The following MYH9 variants were observed in gnomAD, a reference collection of about 807,000 sequenced individuals.
The protein encoded by MYH9 is myosin-9.
Under a neutral mutation model 241.9 loss-of-function variants are expected in MYH9, and 29 were observed. That is an observed-to-expected ratio of 0.12 (90% CI 0.09 to 0.16). The LOEUF (loss-of-function observed/expected upper bound fraction) is 0.16, where lower values mean the gene tolerates loss of function less well. Ranked by LOEUF, MYH9 falls within the 10% of genes least tolerant of loss-of-function variation. The pLI, the probability that MYH9 is intolerant of heterozygous loss-of-function variation, is 1.00. For missense variants in MYH9, 1,803 were observed against 2,595.5 expected, an observed-to-expected ratio of 0.69 and a Z score of 6.63; for synonymous variants, 1,047 against 1,062.6, an observed-to-expected ratio of 0.99 and a Z score of 0.29.
At chr22:36,284,660 GCTT>G (rs1486118518) in intron 38 of MYH9, 149 bp from the exon 39 acceptor site, 4 of 762,708 alleles carry the variant, frequency 5.2e-6, no homozygotes, top group African/African-American at 1.7e-5. Context: ...TGTGTACCCG[GCTT>G]CTTACGACGG....
rs183105164 is a variant in MYH9, at chr22:36,285,327, G to A, written c.5277C>T (p.Ile1759=). 1.2e-4 allele frequency: 187 copies of A among 1,608,508 alleles called. No homozygotes were observed. In the Admixed American group the frequency reaches 3.0e-3, roughly 26 times the overall value. Residue 1759 remains isoleucine, a splice_region_variant and synonymous_variant, in exon 38 of 41, where the codon ATC becomes ATT. Coordinates refer to ENST00000216181, the MANE Select transcript of MYH9 (RefSeq NM_002473.6). The surrounding 1 kb of genome is among the most constrained non-coding windows in gnomAD (Gnocchi z 7.0). ...GGTTCAGGTCGGTGTTGATCTGGTCGATCTGCAGAAGAAGGGCCAGTGACC... is the reference window on the plus strand; with the variant it reads ...GGTTCAGGTCGGTGTTGATCTGGTCAATCTGCAGAAGAAGGGCCAGTGACC... ...NDRLKKANLQ[I]DQINTDLNLE...
At chr22:36,352,796 G>A (rs1292228863) in intron 1 of MYH9, among the ~76,000 whole-genome samples, 1 of 152,198 alleles carries the variant, frequency 6.6e-6, no homozygotes, top group Non-Finnish European at 1.5e-5. Context: ...GAAGGTCAGA[G>A]CCCCAGCTTG....
intron 3 of MYH9, among the ~76,000 whole-genome samples, chr22:36,335,199 C>A (rs530312305): frequency 6.6e-6 from 1 of 152,348 alleles, no homozygotes; most frequent in South Asian, 2.1e-4. Flanking sequence ...TCCAGGCAGG[C>A]CCCAGCCTGC....
chr22:36,312,179 C>A lies in MYH9; in HGVS notation c.1598G>T (p.Trp533Leu). 1.2e-6 allele frequency: 2 copies of A among 1,614,198 alleles called. No individual in the cohort carries two copies. The highest frequency in any genetic ancestry group is 1.1e-5 in the South Asian group (1 of 91,086). The part of the protein sequence containing the change: ...GILALLDEEC[W>L]FPKATDKSFV... ...GCTCTTGTCGGTGGCTTTGGGGAACCAGCACTCCTCGTCCAGCAGGGCCAG... is the reference window on the plus strand; with the variant it reads ...GCTCTTGTCGGTGGCTTTGGGGAACAAGCACTCCTCGTCCAGCAGGGCCAG... The change falls in exon 14 of 41, where the codon TGG (tryptophan) becomes TTG (leucine). Residue 533 changes from tryptophan to leucine, a missense_variant. Coordinates refer to ENST00000216181, the MANE Select transcript of MYH9 (RefSeq NM_002473.6).
At position 36,285,891 on chromosome 22, in the gene MYH9, G is replaced by A. The variant is rs369135992; in HGVS notation, c.5124C>T (p.Asp1708=). The A allele has an allele frequency of 6.8e-5, 110 of 1,613,092 alleles. 1 individual carries two copies. The highest frequency in any genetic ancestry group is 2.9e-4 in the East Asian group (13 of 44,880). The stretch of plus-strand genomic sequence containing the variant: ...CTTTGCCGCTGCTGTTGGCGATCTC[G>A]TCAGCCAGCTCATCCCGCTCCTGCT... ...QAQQERDELA[D]EIANSSGKGA... The change falls in exon 36 of 41, where the codon GAC becomes GAT. Residue 1708 remains aspartate (D), a synonymous_variant. Coordinates refer to ENST00000216181, the MANE Select transcript of MYH9 (RefSeq NM_002473.6). The surrounding 1 kb of genome is among the most constrained non-coding windows in gnomAD (Gnocchi z 7.0).
chr22:36,313,278 C>T (rs1208229560), intron 13 of MYH9, among the ~76,000 whole-genome samples: 2 of 151,270 alleles, frequency 1.3e-5, no homozygotes, highest in East Asian at 1.9e-4. Context: ...GGTGAAACTC[C>T]GCCTCCACTA....
chr22:36,288,668 G>A lies in MYH9; in HGVS notation c.4770+59C>T. ...ATCCAGGTGGAAGGAGAGAACAGAA[G>A]CCTGCGTGAAGCCAAGGCAGCCTTG... is the stretch of plus-strand genomic sequence containing the variant. On this transcript the variant is annotated intron_variant, in intron 33 of 40. Transcript: ENST00000216181. This position sits in a 1 kb window ranked among gnomAD's most constrained non-coding sequence, Gnocchi z 4.8. 1.9e-6 allele frequency: 3 copies of A among 1,579,992 alleles called. No homozygotes were observed. The highest frequency in any genetic ancestry group is 2.6e-6 in the Non-Finnish European group (3 of 1,162,836).
rs960333172 is a variant in MYH9 at position 36,313,995 on chromosome 22, T to A, written c.1554+150A>T. 4.7e-6 allele frequency: 5 copies of A among 1,057,176 alleles called. No individual in the cohort carries two copies. The African/African-American group carries it at 7.8e-5, about 17-fold the overall frequency. The allele number at this position is 1,057,176 out of a possible 1,614,324, so 65.5% of individuals were successfully genotyped here. On this transcript the variant is annotated intron_variant, in intron 13 of 40. Coordinates refer to ENST00000216181, the MANE Select transcript of MYH9 (RefSeq NM_002473.6). ...ACCCAGGCCTCCCAGGCACTGGATCTCAGCCTTGGGGCTTCATCCTCCGGG... is the reference window on the plus strand; with the variant it reads ...ACCCAGGCCTCCCAGGCACTGGATCACAGCCTTGGGGCTTCATCCTCCGGG...
At chr22:36,339,018 C>T (rs2017543311) in intron 3 of MYH9, among the ~76,000 whole-genome samples, 2 of 151,892 alleles carry the variant, frequency 1.3e-5, no homozygotes, top group African/African-American at 4.8e-5. Flanking sequence ...TCTCTGCATC[C>T]TTTTTTTTGT....
At chr22:36,337,333 G>A (rs1233110309) in intron 3 of MYH9, among the ~76,000 whole-genome samples, 2 of 152,162 alleles carry the variant, frequency 1.3e-5, no homozygotes, top group African/African-American at 4.8e-5. Flanking sequence ...AATATCACTA[G>A]TGCCAAGAGT....
intron 2 of MYH9, among the ~76,000 whole-genome samples, chr22:36,347,336 T>C (rs561323596): frequency 6.3e-4 from 96 of 151,940 alleles, no homozygotes; most frequent in African/African-American, 2.3e-3. Flanking sequence ...GGACCAGCAC[T>C]AAAGTGCTGG....
chr22:36,386,685 G>A (rs528960014), intron 1 of MYH9, among the ~76,000 whole-genome samples: 3 of 152,300 alleles, frequency 2.0e-5, no homozygotes, highest in East Asian at 3.9e-4. Flanking sequence ...CACACCGGCT[G>A]GGTGGGGCCG....
chr22:36,283,066 G>C (rs1279345293), intron 40 of MYH9, among the ~76,000 whole-genome samples: 1 of 152,150 alleles, frequency 6.6e-6, no homozygotes, highest in Non-Finnish European at 1.5e-5. Flanking sequence ...AATTACAACA[G>C]GAAAGGCACA....
chr22:36,296,746 T>A, intron 25 of MYH9, 97 bp downstream of exon 25: 1 of 1,352,568 alleles, frequency 7.4e-7, no homozygotes, highest in Non-Finnish European at 9.8e-7. Context: ...GTGGAAAGAA[T>A]GCTCACAGCT....
chr22:36,350,529 C>T (rs1001440633), intron 1 of MYH9, among the ~76,000 whole-genome samples: 2 of 152,168 alleles, frequency 1.3e-5, no homozygotes, highest in African/African-American at 2.4e-5. Context: ...AAGAGCAAAA[C>T]TCCGTCTCAA....
At position 36,293,241 on chromosome 22, in the gene MYH9, G is replaced by A; in HGVS notation, c.4095+88C>T. ...AGAGCAGCAATGGGCCGGCCCAGCG[G>A]GCAGGGCTGTCCTGCAGTGCCCAGG... is the stretch of plus-strand genomic sequence containing the variant. On this transcript the variant is annotated intron_variant, in intron 30 of 40. Transcript: ENST00000216181. This position sits in a 1 kb window ranked among gnomAD's most constrained non-coding sequence, Gnocchi z 5.1. 6.4e-7 allele frequency: 1 copy of A among 1,557,966 alleles called. No homozygotes were observed. The highest frequency in any genetic ancestry group is 8.8e-7 in the Non-Finnish European group (1 of 1,137,526).
chr22:36,366,620 G>C (rs1441347020), intron 1 of MYH9, among the ~76,000 whole-genome samples: 1 of 152,120 alleles, frequency 6.6e-6, no homozygotes, highest in Non-Finnish European at 1.5e-5. Context: ...GATGTGCAGG[G>C]GCAAGAGCAC....
Position 36,293,981 on chromosome 22 carries a change from G to A in MYH9, c.3837+111C>T, listed in dbSNP as rs959261693. 6 of 1,462,676 alleles carry A rather than the reference G, an allele frequency of 4.1e-6. No homozygotes were observed. In the South Asian group the frequency reaches 4.6e-5, roughly 11 times the overall value. The allele number at this position is 1,462,676 out of a possible 1,614,324, so 90.6% of individuals were successfully genotyped here. On this transcript the variant is annotated intron_variant, in intron 28 of 40. Coordinates refer to ENST00000216181, the MANE Select transcript of MYH9 (RefSeq NM_002473.6). The surrounding 1 kb of genome is among the most constrained non-coding windows in gnomAD (Gnocchi z 5.1). Reference sequence around the variant, plus strand: ...ACAAGCTGAACCATGAGGGTCTGAGGAGCCAGTTTGAGAAGAGAGAGAGAC... The same window carrying A: ...ACAAGCTGAACCATGAGGGTCTGAGAAGCCAGTTTGAGAAGAGAGAGAGAC...
At chr22:36,356,463 C>T (rs892460276) in intron 1 of MYH9, among the ~76,000 whole-genome samples, 3 of 151,532 alleles carry the variant, frequency 2.0e-5, no homozygotes, top group African/African-American at 7.3e-5. Flanking sequence ...TGCCTGTAAT[C>T]CTAGCTACTA....
Sources: gnomAD v4.1 joint callset for allele counts (sites outside exome capture counted in the v4.1 genomes callset) on GRCh38, gnomAD v4.1.1 for gene constraint, Gnocchi (gnomAD v3.1) non-coding constraint, MANE v1.5 for transcripts, NCBI Gene and HGNC (gene_info 2026-07-23, HGNC 2026-07-21) for gene names.